Variants in THSD7B observed in about 807,000 individuals in gnomAD.
The protein encoded by THSD7B is thrombospondin type-1 domain-containing protein 7B.
In THSD7B, 138 loss-of-function variants were observed where a neutral mutation model predicts 213.6. The observed-to-expected ratio is 0.65, with a 90% CI of 0.56 to 0.74. The LOEUF (loss-of-function observed/expected upper bound fraction) is 0.74. THSD7B is among the 30% of genes least tolerant of loss of function. The pLI, the probability that THSD7B is intolerant of heterozygous loss-of-function variation, is 0.00. For synonymous variants in THSD7B, 742 were observed against 687.0 expected, an observed-to-expected ratio of 1.08 and a Z score of -1.25; for missense variants, 1,931 against 1,991.5, an observed-to-expected ratio of 0.97 and a Z score of 0.58.
chr2:136,856,192 T>C (rs1683179024), intron 1 of THSD7B, among the ~76,000 whole-genome samples: 1 of 152,188 alleles, frequency 6.6e-6, no homozygotes, highest in Non-Finnish European at 1.5e-5. Context: ...GACTCTGGCT[T>C]GTTGAATGAG....
intron 2 of THSD7B, among the ~76,000 whole-genome samples, chr2:137,021,827 G>C (rs1374060629): frequency 6.6e-6 from 1 of 152,116 alleles, no homozygotes; most frequent in Non-Finnish European, 1.5e-5. Context: ...CTATGTAAGT[G>C]GAATCATTCA....
chr2:137,288,383 G>A (rs1248743219), intron 12 of THSD7B, among the ~76,000 whole-genome samples: 4 of 152,072 alleles, frequency 2.6e-5, no homozygotes, highest in African/African-American at 9.7e-5. Flanking sequence ...AAACCTACTA[G>A]AGTCTATGAA....
At chr2:136,809,373 G>T (rs1275896201) in intron 1 of THSD7B, among the ~76,000 whole-genome samples, 1 of 152,180 alleles carries the variant, frequency 6.6e-6, no homozygotes, top group Non-Finnish European at 1.5e-5. Flanking sequence ...TTGAGGAGGA[G>T]TGAGGAGCCC....
At position 137,655,649 on chromosome 2, in the gene THSD7B, TGC is replaced by T; in HGVS notation, c.4095_4096del (p.Pro1366LeufsTer17). On this transcript the variant is annotated frameshift_variant, in exon 22 of 28. Transcript: ENST00000409968. LOFTEE classifies it high-confidence loss of function. ...AGCATCCTGAAGCAGCTGTGTTCTG[TGC>T]CTTGCCCAGGTATGCAATGCTAGTG... The T allele has an allele frequency of 6.2e-7, 1 of 1,612,984 alleles. No individual in the cohort carries two copies. The highest frequency in any genetic ancestry group is 8.5e-7 in the Non-Finnish European group (1 of 1,179,496).
chr2:137,294,026 A>G (rs1354895283), intron 12 of THSD7B, among the ~76,000 whole-genome samples: 2 of 152,118 alleles, frequency 1.3e-5, no homozygotes, highest in Middle Eastern at 3.2e-3. Flanking sequence ...TTTCTCCAAA[A>G]GGTCTGTCGT....
At chr2:137,335,343 AG>A (rs1684614281) in intron 12 of THSD7B, among the ~76,000 whole-genome samples, 1 of 152,200 alleles carries the variant, frequency 6.6e-6, no homozygotes, top group African/African-American at 2.4e-5. Flanking sequence ...TGGCCAAGGA[AG>A]GAGGACATCT....
intron 12 of THSD7B, among the ~76,000 whole-genome samples, chr2:137,294,838 T>C (rs1159278124): frequency 1.3e-5 from 2 of 152,070 alleles, no homozygotes; most frequent in African/African-American, 4.8e-5. Context: ...GAGACTGGTA[T>C]GCATAGTGTC....
At chr2:137,630,414 G>C (rs1005122080) in intron 20 of THSD7B, among the ~76,000 whole-genome samples, 9 of 152,164 alleles carry the variant, frequency 5.9e-5, no homozygotes, top group African/African-American at 2.2e-4. Context: ...GGTGTATCAT[G>C]TTATTCCCCA....
At chr2:137,041,444 ATATT>A (rs1183174589) in intron 2 of THSD7B, among the ~76,000 whole-genome samples, 1 of 151,944 alleles carries the variant, frequency 6.6e-6, no homozygotes. Context: ...ACATACATAT[ATATT>A]AATATGAATG....
At chr2:137,154,546 T>A in intron 5 of THSD7B, among the ~76,000 whole-genome samples, 1 of 152,190 alleles carries the variant, frequency 6.6e-6, no homozygotes, top group Non-Finnish European at 1.5e-5. Context: ...TTTAATTTCT[T>A]TTTGAGGAGT....
intron 2 of THSD7B, among the ~76,000 whole-genome samples, chr2:137,033,665 C>G (rs1357533661): frequency 6.6e-6 from 1 of 151,804 alleles, no homozygotes; most frequent in Non-Finnish European, 1.5e-5. Flanking sequence ...AGACCTGGAG[C>G]GCAGTGGCAC....
intron 2 of THSD7B, among the ~76,000 whole-genome samples, chr2:137,029,313 A>C (rs1462784997): frequency 1.3e-5 from 2 of 152,048 alleles, no homozygotes; most frequent in Non-Finnish European, 2.9e-5. Context: ...TCCTGACCTC[A>C]AGTGATTTGG....
chr2:136,843,470 A>G (rs1330187344), intron 1 of THSD7B, among the ~76,000 whole-genome samples: 1 of 152,220 alleles, frequency 6.6e-6, no homozygotes, highest in East Asian at 1.9e-4. Context: ...AATGGAGAAA[A>G]AAATATTACA....
chr2:137,464,092 A>G (rs1239741639), intron 15 of THSD7B, among the ~76,000 whole-genome samples: 2 of 152,204 alleles, frequency 1.3e-5, no homozygotes, highest in Non-Finnish European at 2.9e-5. Context: ...CGGACCCTGA[A>G]TCTCTAACTT....
chr2:137,592,128 T>C (rs1481039980), intron 17 of THSD7B, among the ~76,000 whole-genome samples: 2 of 151,808 alleles, frequency 1.3e-5, no homozygotes, highest in Admixed American at 1.3e-4. Context: ...TTCTGTGCAC[T>C]TGAGTAATTT....
At position 137,283,728 on chromosome 2, in the gene THSD7B, C is replaced by T. The variant is rs192940529; in HGVS notation, c.2500+7702C>T. 7.9e-3 allele frequency among the ~76,000 whole-genome samples: 1,210 copies of T among 152,242 alleles called. 23 individuals carry two copies. Among genetic ancestry groups the T allele is most frequent in the African/African-American group, 0.027 (1,127 of 41,562 alleles). On this transcript the variant is annotated intron_variant, in intron 12 of 27. Coordinates refer to ENST00000409968, the MANE Select transcript of THSD7B (RefSeq NM_001316349.2). Reference sequence around the variant, plus strand: ...ATTGATTTGCGTATGTTGAACCAGCCTTGCATCCCAGGAATGAAGCCCACT... The same window carrying T: ...ATTGATTTGCGTATGTTGAACCAGCTTTGCATCCCAGGAATGAAGCCCACT...
intron 12 of THSD7B, among the ~76,000 whole-genome samples, chr2:137,320,370 T>TA (rs1684236428): frequency 6.6e-6 from 1 of 152,220 alleles, no homozygotes; most frequent in Admixed American, 6.5e-5. Flanking sequence ...GAAAAACAGT[T>TA]TGCCCTGTTT....
At position 137,234,912 on chromosome 2, in the gene THSD7B, T is replaced by G. The variant is rs542844867; in HGVS notation, c.2150+1779T>G. 2.6e-5 allele frequency among the ~76,000 whole-genome samples: 4 copies of G among 152,308 alleles called. No individual in the cohort carries two copies. In the East Asian group the frequency reaches 7.7e-4, roughly 29 times the overall value. On this transcript the variant is annotated intron_variant, in intron 9 of 27. Coordinates refer to ENST00000409968, the MANE Select transcript of THSD7B (RefSeq NM_001316349.2). The stretch of plus-strand genomic sequence containing the variant: ...TTTAGCTCATAAATACTGTTTTTGC[T>G]CTAGAACCTAACTCTACATTATTAG...
At position 137,516,486 on chromosome 2, in the gene THSD7B, G is replaced by T. The variant is rs6430726; in HGVS notation, c.3139-46735G>T. Among the ~76,000 whole-genome samples the T allele has an allele frequency of 2.1e-3, 321 of 152,116 alleles. 2 individuals carry two copies. The highest frequency in any genetic ancestry group is 0.014 in the Middle Eastern group (4 of 294). On this transcript the variant is annotated intron_variant, in intron 15 of 27. Coordinates refer to ENST00000409968, the MANE Select transcript of THSD7B (RefSeq NM_001316349.2). The stretch of plus-strand genomic sequence containing the variant: ...CCTTTTACCAGGGTAACTGCACTGG[G>T]GAAAGGAAAATGATCAAGCATGTTG...
Sources: allele counts gnomAD v4.1 joint callset (sites outside exome capture counted in the v4.1 genomes callset), GRCh38; gene constraint gnomAD v4.1.1; transcripts MANE v1.5; gene names NCBI Gene and HGNC (gene_info 2026-07-23, HGNC 2026-07-21).